Variants in ATP6V1C2 observed in about 807,000 individuals in gnomAD.
ATP6V1C2 encodes the protein ATPase H+ transporting V1 subunit C2, also known as V-type proton ATPase subunit C 2.
A neutral mutation model predicts 56.8 loss-of-function variants in ATP6V1C2; 45 were observed. The ratio of observed to expected loss-of-function variants is 0.79; its 90% CI spans 0.62 to 1.02. The LOEUF is 1.02. Ranked by LOEUF, ATP6V1C2 falls within the 50% of genes least tolerant of loss-of-function variation. ATP6V1C2 has a pLI of 0.00. For synonymous variants in ATP6V1C2, 220 were observed against 201.3 expected, an observed-to-expected ratio of 1.09 and a Z score of -0.79; for missense variants, 463 against 519.7, an observed-to-expected ratio of 0.89 and a Z score of 1.06.
chr2:10,784,376 G>A lies in ATP6V1C2; in HGVS notation c.*1113G>A, dbSNP rs991715041. 3.8e-5 allele frequency: 55 copies of A among 1,464,086 alleles called. No individual in the cohort carries two copies. The highest frequency in any genetic ancestry group is 5.6e-5 in the African/African-American group (4 of 71,294). 90.7% of individuals were successfully genotyped at this position (1,464,086 alleles called of 1,614,324 possible). ...TTAGATCTGCAGAAGGGGACACCCT[G>A]GAAGGTCAACATCTCATTTTATGGA... On this transcript the variant is annotated 3_prime_UTR_variant, in exon 14 of 14. Coordinates refer to ENST00000272238, the MANE Select transcript of ATP6V1C2 (RefSeq NM_001039362.2).
chr2:10,772,257 G>A (rs948036890), intron 7 of ATP6V1C2, among the ~76,000 whole-genome samples: 3 of 152,186 alleles, frequency 2.0e-5, no homozygotes, highest in South Asian at 2.1e-4. Context: ...TGGAGAGGTC[G>A]GTTAGCTTGT....
At chr2:10,740,940 G>A (rs1288149438) in intron 3 of ATP6V1C2, among the ~76,000 whole-genome samples, 2 of 152,240 alleles carry the variant, frequency 1.3e-5, no homozygotes, top group East Asian at 3.8e-4. Context: ...GCCCGCCTTG[G>A]CCTCCCAAAG....
rs570728799 is a variant in ATP6V1C2, at chr2:10,742,480, G to A, written c.198-11501G>A. Among the ~76,000 whole-genome samples the A allele has an allele frequency of 2.6e-4, 39 of 152,188 alleles. 1 individual carries two copies. In the South Asian group the frequency reaches 6.2e-3, roughly 24 times the overall value. ...GGCTACATAAGAATCTCCTCTGCTC[G>A]GGCCCTGCGATCTGCAGCCTCAAGT... On this transcript the variant is annotated intron_variant, in intron 3 of 13. Transcript: ENST00000272238.
intron 3 of ATP6V1C2, among the ~76,000 whole-genome samples, chr2:10,735,585 CTTTT>C (rs112678143): frequency 5.6e-5 from 8 of 141,894 alleles, no homozygotes; most frequent in African/African-American, 1.8e-4. Flanking sequence ...ATCTCCTGGT[CTTTT>C]TTTTTTTTTT....
intron 10 of ATP6V1C2, among the ~76,000 whole-genome samples, chr2:10,776,434 C>T (rs373034035): frequency 6.6e-6 from 1 of 152,254 alleles, no homozygotes; most frequent in East Asian, 1.9e-4. Context: ...GCTGGGGACC[C>T]CCAGCCCTTT....
Position 10,784,897 on chromosome 2 carries a change from G to C in ATP6V1C2, c.*1634G>C, listed in dbSNP as rs749348438. 16 of 1,406,870 alleles carry C rather than the reference G, an allele frequency of 1.1e-5. No individual in the cohort carries two copies. The highest frequency in any genetic ancestry group is 1.6e-5 in the Non-Finnish European group (16 of 1,012,808). The allele number at this position is 1,406,870 out of a possible 1,614,324, so 87.1% of individuals were successfully genotyped here. A position where few individuals can be genotyped will look rare whatever the true frequency, so the allele number is the denominator to read the frequency against. On this transcript the variant is annotated 3_prime_UTR_variant, in exon 14 of 14. Coordinates refer to ENST00000272238, the MANE Select transcript of ATP6V1C2 (RefSeq NM_001039362.2). The stretch of plus-strand genomic sequence containing the variant: ...GCACAGGCTCAAGAGAGTAAACCAG[G>C]ACTGCTGCCCGCACAGCTTCCCTCC...
Position 10,771,880 on chromosome 2 carries a change from A to C in ATP6V1C2, c.512A>C (p.Lys171Thr), listed in dbSNP as rs1465209588. 1.2e-6 allele frequency: 2 copies of C among 1,614,058 alleles called. No homozygotes were observed. The highest frequency in any genetic ancestry group is 1.7e-6 in the Non-Finnish European group (2 of 1,180,040). The change falls in exon 7 of 14, where the codon AAA becomes ACA. Residue 171 changes from lysine to threonine, a missense_variant. By Grantham distance (78) the Lys-to-Thr change is moderately conservative. Coordinates refer to ENST00000272238, the MANE Select transcript of ATP6V1C2 (RefSeq NM_001039362.2). ...CGGACACTGAGTGATATTGTGAGCA[A>C]AGAGGACTTCGTGCTGGATTCTGAA... The part of the protein sequence containing the change: ...FTRTLSDIVS[K>T]EDFVLDSEYL...
Position 10,783,272 on chromosome 2 carries a change from G to A in ATP6V1C2, c.*9G>A, listed in dbSNP as rs1665508757. ...TTAGTCTTCTTGACTAGAAAGGCCA[G>A]CTGGCACCTCTGTCTCATGTTCGTG... On this transcript the variant is annotated 3_prime_UTR_variant, in exon 14 of 14. Coordinates refer to ENST00000272238, the MANE Select transcript of ATP6V1C2 (RefSeq NM_001039362.2). 8.2e-6 allele frequency: 13 copies of A among 1,584,356 alleles called. No individual in the cohort carries two copies. The highest frequency in any genetic ancestry group is 1.1e-5 in the Non-Finnish European group (13 of 1,153,228).
intron 8 of ATP6V1C2, among the ~76,000 whole-genome samples, chr2:10,773,226 A>G (rs1664745494): frequency 6.6e-6 from 1 of 152,200 alleles, no homozygotes. Context: ...ACTCGGGCAC[A>G]CACAGGTGCA....
At chr2:10,766,516 C>T (rs1558415453) in intron 5 of ATP6V1C2, among the ~76,000 whole-genome samples, 2 of 152,168 alleles carry the variant, frequency 1.3e-5, no homozygotes. Context: ...CTCCCAAATA[C>T]CTCTCAGCAA....
At chr2:10,752,734 A>G (rs954008083) in intron 3 of ATP6V1C2, among the ~76,000 whole-genome samples, 18 of 152,106 alleles carry the variant, frequency 1.2e-4, no homozygotes, top group Admixed American at 1.1e-3. Flanking sequence ...GATGGCTCAC[A>G]CCTGTAATCC....
chr2:10,748,111 T>C (rs1663022255), intron 3 of ATP6V1C2, among the ~76,000 whole-genome samples: 2 of 152,144 alleles, frequency 1.3e-5, no homozygotes, highest in Admixed American at 6.5e-5. Flanking sequence ...TTGGCCTGGG[T>C]GGTCTCGAAC....
intron 3 of ATP6V1C2, among the ~76,000 whole-genome samples, chr2:10,728,383 C>T (rs1193774813): frequency 1.3e-5 from 2 of 152,158 alleles, no homozygotes; most frequent in Non-Finnish European, 1.5e-5. Context: ...CACATTCAGC[C>T]TTAAAATTAA....
In ATP6V1C2 at chr2:10,751,905, C is replaced by T. The variant is rs768927508; in HGVS notation, c.198-2076C>T. Among the ~76,000 whole-genome samples, 21 of 152,094 alleles carry T rather than the reference C, an allele frequency of 1.4e-4. No homozygotes were observed. The South Asian group carries it at 2.3e-3, about 17-fold the overall frequency. On this transcript the variant is annotated intron_variant, in intron 3 of 13. Coordinates refer to ENST00000272238, the MANE Select transcript of ATP6V1C2 (RefSeq NM_001039362.2). ...TGAGGATCGCTTTAGCCCCGGAGTT[C>T]GAGACCAGCTTAGGCAATATAGTAA...
intron 12 of ATP6V1C2, among the ~76,000 whole-genome samples, chr2:10,781,117 C>T (rs1039247969): frequency 8.6e-5 from 13 of 151,988 alleles, no homozygotes; most frequent in Non-Finnish European, 1.5e-4. Flanking sequence ...AGGACAGGGC[C>T]GGAAGAACTC....
rs748999867 is a variant in ATP6V1C2, at chr2:10,778,661, C to T, written c.1053C>T (p.Ser351=). 8 of 1,614,002 alleles carry T rather than the reference C, an allele frequency of 5.0e-6. No individual in the cohort carries two copies. Among genetic ancestry groups the T allele is most frequent in the South Asian group, 3.3e-5 (3 of 91,078 alleles). The change falls in exon 12 of 14, where the codon TCC becomes TCT. Residue 351 remains serine, a synonymous_variant. Coordinates refer to ENST00000272238, the MANE Select transcript of ATP6V1C2 (RefSeq NM_001039362.2). ...HIKALRVFVE[S]VLRYGLPVNF... ...AGGCCCTGAGAGTGTTTGTGGAGTCCGTGCTCAGGTGCGTGGCAGTGATGC... is the reference window on the plus strand; with the variant it reads ...AGGCCCTGAGAGTGTTTGTGGAGTCTGTGCTCAGGTGCGTGGCAGTGATGC...
chr2:10,773,198 G>C (rs1348480891), intron 8 of ATP6V1C2, among the ~76,000 whole-genome samples: 1 of 152,222 alleles, frequency 6.6e-6, no homozygotes, highest in Admixed American at 6.5e-5. Flanking sequence ...GGTCTGAAAT[G>C]GATGTGAAAT....
rs764386513 is a variant in ATP6V1C2, at chr2:10,778,609, A to T, written c.1001A>T (p.Glu334Val). Residue 334 changes from glutamate to valine, a missense_variant, in exon 12 of 14, where the codon GAA becomes GTA. Glu to Val is a moderately radical substitution (Grantham distance 121, BLOSUM62 -2). Coordinates refer to ENST00000272238, the MANE Select transcript of ATP6V1C2 (RefSeq NM_001039362.2). The stretch of plus-strand genomic sequence containing the variant: ...CGCTGGCTCAAGGTGAACTTCAGTG[A>T]AGCCTTCATTGCCTGGATCCACATC... ...LLRWLKVNFS[E>V]AFIAWIHIKA... is the part of the protein sequence containing the mutation. The T allele has an allele frequency of 6.2e-7, 1 of 1,614,066 alleles. No individual in the cohort carries two copies. The highest frequency in any genetic ancestry group is 8.5e-7 in the Non-Finnish European group (1 of 1,180,018).
At chr2:10,770,874 T>C (rs1664556852) in intron 6 of ATP6V1C2, among the ~76,000 whole-genome samples, 1 of 152,326 alleles carries the variant, frequency 6.6e-6, no homozygotes, top group East Asian at 1.9e-4. Flanking sequence ...TAAAGCAGAA[T>C]ACAATACAAT....
Sources: allele counts gnomAD v4.1 joint callset (sites outside exome capture counted in the v4.1 genomes callset), GRCh38; gene constraint gnomAD v4.1.1; transcripts MANE v1.5; gene names NCBI Gene and HGNC (gene_info 2026-07-23, HGNC 2026-07-21).